SLC38A10: variants seen among roughly 807,000 people sequenced by gnomAD.
The protein encoded by SLC38A10 is solute carrier family 38 member 10, also known as Sodium-coupled neutral amino acid transporter 10.
In SLC38A10, 53 loss-of-function variants were observed where a neutral mutation model predicts 81.0. The observed-to-expected ratio is 0.65, with a 90% CI of 0.53 to 0.82. The LOEUF (loss-of-function observed/expected upper bound fraction) is 0.82. Among genes scored for constraint, SLC38A10 ranks in the 40% least tolerant of loss-of-function variants. The pLI, the probability that SLC38A10 is intolerant of heterozygous loss-of-function variation, is 0.00. For synonymous variants in SLC38A10, 665 were observed against 655.3 expected, an observed-to-expected ratio of 1.01 and a Z score of -0.23; for missense variants, 1,471 against 1,545.0, an observed-to-expected ratio of 0.95 and a Z score of 0.80.
chr17:81,251,604 G>C lies in SLC38A10; in HGVS notation c.1954C>G (p.Pro652Ala). 6.7e-7 allele frequency: 1 copy of C among 1,490,968 alleles called. No individual in the cohort carries two copies. The highest frequency in any genetic ancestry group is 8.9e-7 in the Non-Finnish European group (1 of 1,127,998). 92.4% of individuals were successfully genotyped at this position (1,490,968 alleles called of 1,614,324 possible). A position where few individuals can be genotyped will look rare whatever the true frequency, so the allele number is the denominator to read the frequency against. Reference protein sequence around the residue: ...PAEDSDHGGKPPLPAEKPAPG... With the variant: ...PAEDSDHGGKAPLPAEKPAPG... ...GCCGGCTTCTCCGCTGGGAGGGGAG[G>C]CTTCCCACCTGCACACACGGTGAAG... Residue 652 changes from proline to alanine, a missense_variant, in exon 14 of 16, where the codon CCT (proline) becomes GCT (alanine). Pro to Ala is a conservative substitution (Grantham distance 27). Around this residue, in one of 2 missense-constraint regions of SLC38A10, gnomAD observed 751 missense variants for 717.4 expected, o/e 1.05. Coordinates refer to ENST00000374759, the MANE Select transcript of SLC38A10 (RefSeq NM_001037984.3).
rs2063232328 is a variant in SLC38A10 at position 81,283,305 on chromosome 17, T to C, written c.357+104A>G. 9.7e-7 allele frequency: 1 copy of C among 1,026,216 alleles called. No individual in the cohort carries two copies. The allele number at this position is 1,026,216 out of a possible 1,614,324, so 63.6% of individuals were successfully genotyped here. A position where few individuals can be genotyped will look rare whatever the true frequency, so the allele number is the denominator to read the frequency against. On this transcript the variant is annotated intron_variant, in intron 4 of 15. Transcript: ENST00000374759. This position sits in a 1 kb window ranked among gnomAD's most constrained non-coding sequence, Gnocchi z 4.7. The stretch of plus-strand genomic sequence containing the variant: ...AATGACAGCAGGCTCGACAGAAGCT[T>C]CTCCCGACCAGCACCCAGGTCTCGG...
In SLC38A10 at chr17:81,246,994, C is replaced by T. The variant is rs1415925762; in HGVS notation, c.2133G>A (p.Gln711=). The T allele has an allele frequency of 1.9e-6, 3 of 1,605,570 alleles. No individual in the cohort carries two copies. Among genetic ancestry groups the T allele is most frequent in the Non-Finnish European group, 2.5e-6 (3 of 1,179,550 alleles). The part of the protein sequence containing the change: ...LLQVIKEQQV[Q]QKRLLDQQEK... The stretch of plus-strand genomic sequence containing the variant: ...CCTGCTGGTCCAGCAAGCGCTTTTG[C>T]TGCACCTGCTGTTCTTTGATCACCT... Residue 711 remains glutamine (Q), a synonymous_variant, in exon 15 of 16, where the codon CAG becomes CAA. Transcript: ENST00000374759.
intron 14 of SLC38A10, among the ~76,000 whole-genome samples, chr17:81,249,877 AGGGAGCAGAGTGGGCATC>A (rs1322684955): frequency 6.6e-6 from 1 of 152,148 alleles, no homozygotes; most frequent in Admixed American, 6.5e-5. Context: ...TTGTAACACA[AGGGAGCAGAGTGGGCATC>A]GGGACCCTGC....
At chr17:81,254,457 CTTTT>C (rs1264199539) in intron 11 of SLC38A10, among the ~76,000 whole-genome samples, 2 of 152,084 alleles carry the variant, frequency 1.3e-5, no homozygotes, top group African/African-American at 4.8e-5. Context: ...ACAAATTCAA[CTTTT>C]TTTTAAGATG....
intron 14 of SLC38A10, chr17:81,247,359 C>T (rs1028893065): frequency 2.7e-5 from 8 of 294,002 alleles, no homozygotes; most frequent in African/African-American, 8.7e-5. Context: ...CTGGCTGTGC[C>T]CCAGGCGCAC....
chr17:81,252,035 G>T, intron 13 of SLC38A10, 160 bp downstream of exon 13: 1 of 1,050,462 alleles, frequency 9.5e-7, no homozygotes, highest in Non-Finnish European at 1.3e-6. Flanking sequence ...GCCTCTTCCT[G>T]TCCCCACCAG....
chr17:81,256,093 C>G (rs966151157), intron 11 of SLC38A10, among the ~76,000 whole-genome samples: 1 of 152,260 alleles, frequency 6.6e-6, no homozygotes, highest in African/African-American at 2.4e-5. Flanking sequence ...CTGCCAGGTG[C>G]TGACGCAGGT....
rs781417276 is a variant in SLC38A10, at chr17:81,246,262, A to G, written c.2654T>C (p.Val885Ala). Reference sequence around the variant, plus strand: ...TTTCCTGTCTTGGGAACCGCCAGTAACGTCCTGACTTTGCCCAGGGAATTC... The same window carrying G: ...TTTCCTGTCTTGGGAACCGCCAGTAGCGTCCTGACTTTGCCCAGGGAATTC... The part of the protein sequence containing the change: ...AEEFPGQSQD[V>A]TGGSQDRKKP... The change falls in exon 16 of 16, where the codon GTT becomes GCT. Residue 885 changes from valine (V) to alanine (A), a missense_variant. By Grantham distance (64) the Val-to-Ala change is moderately conservative. Transcript: ENST00000374759. 2 of 1,612,602 alleles carry G rather than the reference A, an allele frequency of 1.2e-6. No individual in the cohort carries two copies. The highest frequency in any genetic ancestry group is 2.2e-5 in the East Asian group (1 of 44,858).
intron 14 of SLC38A10, chr17:81,250,807 A>C: frequency 2.0e-6 from 2 of 998,690 alleles, no homozygotes; most frequent in Non-Finnish European, 2.4e-6. Flanking sequence ...CTGCTACCCA[A>C]CTGCATGAGG....
At chr17:81,285,787 C>T (rs1241115174) in intron 2 of SLC38A10, 1 of 152,286 alleles carries the variant, frequency 6.6e-6, no homozygotes, top group Admixed American at 6.5e-5. Context: ...GGGCTACAGG[C>T]CTCTGATGAG....
chr17:81,294,684 G>T, intron 1 of SLC38A10, 139 bp downstream of exon 1: 1 of 657,034 alleles, frequency 1.5e-6, no homozygotes. Flanking sequence ...CCGGGACCCA[G>T]AGGGTCGCCC....
At chr17:81,248,989 G>A (rs552472399) in intron 14 of SLC38A10, among the ~76,000 whole-genome samples, 2 of 152,206 alleles carry the variant, frequency 1.3e-5, no homozygotes, top group African/African-American at 2.4e-5. Context: ...CAGCCACCTC[G>A]GCCGTGGGCC....
intron 8 of SLC38A10, among the ~76,000 whole-genome samples, chr17:81,273,275 G>A (rs1377193160): frequency 6.6e-6 from 1 of 152,216 alleles, no homozygotes; most frequent in Non-Finnish European, 1.5e-5. Flanking sequence ...AGGACGGATG[G>A]CCTCAGACGC....
chr17:81,260,342 A>T lies in SLC38A10; in HGVS notation c.1184T>A (p.Leu395Gln). Residue 395 changes from leucine to glutamine, a missense_variant, in exon 11 of 16, where the codon CTG (leucine) becomes CAG (glutamine). Coordinates refer to ENST00000374759, the MANE Select transcript of SLC38A10 (RefSeq NM_001037984.3). ...GVLVVSTVTTLSVSEEVPEDL... is the reference protein window; with the variant it reads ...GVLVVSTVTTQSVSEEVPEDL... ...CTCGGGGACCTCCTCGCTCACAGAC[A>T]GTGTGGTGACAGTGCTCACCACCAG... is the stretch of plus-strand genomic sequence containing the variant. 6.2e-7 allele frequency: 1 copy of T among 1,610,772 alleles called. No homozygotes were observed. Among genetic ancestry groups the T allele is most frequent in the Non-Finnish European group, 8.5e-7 (1 of 1,179,126 alleles).
At chr17:81,249,467 A>G (rs2062888560) in intron 14 of SLC38A10, among the ~76,000 whole-genome samples, 1 of 5,870 alleles carries the variant, frequency 1.7e-4, no homozygotes, top group African/African-American at 6.1e-4. Context: ...AGGAGGGAGG[A>G]GGGAAGAGGA....
chr17:81,251,659 G>A (rs2062915988), intron 13 of SLC38A10, 47 bp from the exon 14 acceptor site: 2 of 1,463,092 alleles, frequency 1.4e-6, no homozygotes, highest in Non-Finnish European at 1.8e-6. Flanking sequence ...AAAGTCAAGG[G>A]AGGGTTTGGG....
At chr17:81,292,927 T>C (rs1403397243) in intron 1 of SLC38A10, among the ~76,000 whole-genome samples, 2 of 152,084 alleles carry the variant, frequency 1.3e-5, no homozygotes, top group African/African-American at 2.4e-5. Flanking sequence ...GTGGATCACC[T>C]GAGATCAGGA....
rs1020539966 is a variant in SLC38A10 at position 81,252,337 on chromosome 17, CCT to C, written c.1801_1802del (p.Arg601GlyfsTer12). On this transcript the variant is annotated frameshift_variant, in exon 13 of 16. Coordinates refer to ENST00000374759, the MANE Select transcript of SLC38A10 (RefSeq NM_001037984.3). LOFTEE classifies it high-confidence loss of function. Reference sequence around the variant, plus strand: ...CTGCCTGGGGCCGAGGATGCAGGCCCCTGTCTCCTGGCCCCAGGTCCTCCTTT... The same window carrying C: ...CTGCCTGGGGCCGAGGATGCAGGCCCGTCTCCTGGCCCCAGGTCCTCCTTT... ...PAKEDLGPGD[R>X]GLHPRPQAVL... is the part of the protein sequence containing the mutation. 1.9e-5 allele frequency: 30 copies of C among 1,612,846 alleles called. No individual in the cohort carries two copies. Among genetic ancestry groups the C allele is most frequent in the African/African-American group, 1.7e-4 (13 of 74,952 alleles).
rs1167216827 is a variant in SLC38A10, at chr17:81,245,708, C to G, written c.3208G>C (p.Val1070Leu). 4.4e-6 allele frequency: 7 copies of G among 1,602,464 alleles called. No homozygotes were observed. Among genetic ancestry groups the G allele is most frequent in the Non-Finnish European group, 6.0e-6 (7 of 1,172,294 alleles). The change falls in exon 16 of 16, where the codon GTC (valine) becomes CTC (leucine). Residue 1070 changes from valine to leucine, a missense_variant. Val to Leu is a conservative substitution (Grantham distance 32). Coordinates refer to ENST00000374759, the MANE Select transcript of SLC38A10 (RefSeq NM_001037984.3). ...AEGQLAPRDG[V>L]IIGLNPLPDV... ...GGCAGGGGGTTAAGGCCAATGATGA[C>G]CCCATCCCTCGGGGCCAGCTGACCC... is the stretch of plus-strand genomic sequence containing the variant.
Sources: gnomAD v4.1 joint callset for allele counts (sites outside exome capture counted in the v4.1 genomes callset) on GRCh38, gnomAD v4.1.1 for gene constraint, gnomAD v4.1.1 regional missense constraint, Gnocchi (gnomAD v3.1) non-coding constraint, MANE v1.5 for transcripts, NCBI Gene and HGNC (gene_info 2026-07-23, HGNC 2026-07-21) for gene names.